Variants in ANKRD29 observed in about 807,000 individuals in gnomAD.
ANKRD29 encodes the protein ankyrin repeat domain-containing protein 29.
A neutral mutation model predicts 38.0 loss-of-function variants in ANKRD29; 32 were observed. The observed-to-expected ratio is 0.84, with a 90% confidence interval of 0.64 to 1.13. The LOEUF is 1.13. ANKRD29 is among the 50% of genes most tolerant of loss of function. The probability of loss-of-function intolerance (pLI) is 0.00; values close to 1 mark genes in which losing one functional copy is unlikely to be tolerated. For missense variants in ANKRD29, 357 were observed against 377.9 expected (o/e 0.94, Z 0.46); for synonymous variants, 135 against 152.4 (o/e 0.89, Z 0.84).
intron 9 of ANKRD29, among the ~76,000 whole-genome samples, chr18:23,608,567 T>A (rs1396469181): frequency 6.6e-6 from 1 of 152,232 alleles, no homozygotes; most frequent in East Asian, 1.9e-4. Context: ...GGTACTAATA[T>A]TTCCTCCCTG....
intron 9 of ANKRD29, among the ~76,000 whole-genome samples, chr18:23,604,885 G>C (rs548584432): frequency 2.2e-4 from 33 of 152,192 alleles, no homozygotes; most frequent in Middle Eastern, 3.4e-3. Context: ...AGTGCTGTAG[G>C]CATGTTTTCC....
chr18:23,653,081 C>T (rs2060230595), intron 1 of ANKRD29, among the ~76,000 whole-genome samples: 1 of 152,068 alleles, frequency 6.6e-6, no homozygotes, highest in Admixed American at 6.6e-5. Context: ...GTTTTGTCAC[C>T]CAGGAGCAAT....
intron 6 of ANKRD29, among the ~76,000 whole-genome samples, chr18:23,623,659 T>C (rs1163976661): frequency 6.6e-6 from 1 of 151,850 alleles, no homozygotes; most frequent in Non-Finnish European, 1.5e-5. Context: ...TTTTTTTTTT[T>C]TGAGACGGAG....
At chr18:23,649,983 C>T (rs1005029317) in intron 1 of ANKRD29, among the ~76,000 whole-genome samples, 3 of 152,224 alleles carry the variant, frequency 2.0e-5, no homozygotes, top group African/African-American at 7.2e-5. Flanking sequence ...CCGCCTTGGC[C>T]TCCCAAAGTG....
chr18:23,623,882 A>G (rs981758009), intron 6 of ANKRD29, among the ~76,000 whole-genome samples: 1 of 151,604 alleles, frequency 6.6e-6, no homozygotes, highest in Non-Finnish European at 1.5e-5. Context: ...TGATCTTGTA[A>G]TCTGCCCGCC....
chr18:23,638,475 A>G (rs979943277), intron 4 of ANKRD29, among the ~76,000 whole-genome samples: 3 of 152,174 alleles, frequency 2.0e-5, no homozygotes, highest in Non-Finnish European at 2.9e-5. Context: ...AATTCCTATC[A>G]TAGTATCAGA....
chr18:23,622,195 GA>G (rs2059805285), intron 6 of ANKRD29, among the ~76,000 whole-genome samples: 1 of 152,180 alleles, frequency 6.6e-6, no homozygotes, highest in South Asian at 2.1e-4. Context: ...TGAGAAAGGG[GA>G]AGGGTCGTTT....
At chr18:23,654,098 T>A (rs959391411) in intron 1 of ANKRD29, among the ~76,000 whole-genome samples, 2 of 151,672 alleles carry the variant, frequency 1.3e-5, no homozygotes, top group Admixed American at 1.3e-4. Flanking sequence ...AAACTCCATC[T>A]CTACTAAAAA....
intron 4 of ANKRD29, among the ~76,000 whole-genome samples, chr18:23,637,512 C>A (rs1219344711): frequency 6.6e-6 from 1 of 152,154 alleles, no homozygotes; most frequent in African/African-American, 2.4e-5. Context: ...ATCTGCCCGC[C>A]TCAGCCTCCC....
At chr18:23,610,686 A>G in intron 9 of ANKRD29, among the ~76,000 whole-genome samples, 1 of 152,074 alleles carries the variant, frequency 6.6e-6, no homozygotes, top group East Asian at 1.9e-4. Context: ...TAAAGGTTGT[A>G]GTTTAGTGCA....
chr18:23,637,595 G>A (rs1193384097), intron 4 of ANKRD29, among the ~76,000 whole-genome samples: 1 of 151,574 alleles, frequency 6.6e-6, no homozygotes, highest in African/African-American at 2.4e-5. Context: ...ATGAGGTCTC[G>A]CTTTGTTGCC....
chr18:23,602,139 C>G (rs1450120903), intron 9 of ANKRD29, among the ~76,000 whole-genome samples: 2 of 150,736 alleles, frequency 1.3e-5, no homozygotes, highest in Non-Finnish European at 3.0e-5. Flanking sequence ...TGGGTTCAAG[C>G]AATTCTCCTG....
At chr18:23,602,184 G>A (rs1380806363) in intron 9 of ANKRD29, among the ~76,000 whole-genome samples, 5 of 152,066 alleles carry the variant, frequency 3.3e-5, no homozygotes, top group Non-Finnish European at 5.9e-5. Context: ...CTACAGGCAT[G>A]TGCCACCATG....
In ANKRD29 at chr18:23,646,355, A is replaced by T. The variant is rs567294798; in HGVS notation, c.133-68T>A. The T allele has an allele frequency of 2.0e-4, 279 of 1,417,206 alleles. 6 individuals are homozygous for T. In the South Asian group the frequency reaches 3.2e-3, roughly 16 times the overall value. The allele number at this position is 1,417,206 out of a possible 1,614,324, so 87.8% of individuals were successfully genotyped here. A position where few individuals can be genotyped will look rare whatever the true frequency, so the allele number is the denominator to read the frequency against. On this transcript the variant is annotated intron_variant, in intron 2 of 9. Transcript: ENST00000592179. ...GTCAGAGAGAAGGGTCCTAGAGAAG[A>T]TGCTGCAGAGATGTCAGCTCCACTC...
At chr18:23,641,668 T>C (rs776840773) in intron 3 of ANKRD29, among the ~76,000 whole-genome samples, 9 of 152,188 alleles carry the variant, frequency 5.9e-5, no homozygotes, top group Non-Finnish European at 1.0e-4. Flanking sequence ...GGCAGACACG[T>C]TCCCACCCAT....
Position 23,600,984 on chromosome 18 carries a change from C to T in ANKRD29, c.*242G>A, listed in dbSNP as rs552493397. On this transcript the variant is annotated 3_prime_UTR_variant, in exon 10 of 10. Coordinates refer to ENST00000592179, the MANE Select transcript of ANKRD29 (RefSeq NM_173505.4). Reference sequence around the variant, plus strand: ...GTGGAATCTGTGAACATGCCAGGCCCCCCGGGAGATGAGTTACAGGACACC... The same window carrying T: ...GTGGAATCTGTGAACATGCCAGGCCTCCCGGGAGATGAGTTACAGGACACC... 1 of 364,214 alleles carries T rather than the reference C, an allele frequency of 2.7e-6. No homozygotes were observed. Among genetic ancestry groups the T allele is most frequent in the Non-Finnish European group, 5.0e-6 (1 of 200,326 alleles). The allele number at this position is 364,214 out of a possible 1,614,324, so 22.6% of individuals were successfully genotyped here. A position where few individuals can be genotyped will look rare whatever the true frequency, so the allele number is the denominator to read the frequency against.
At chr18:23,634,225 A>C (rs1318970700) in intron 4 of ANKRD29, 76 bp from the exon 5 acceptor site, 23 of 1,130,922 alleles carry the variant, frequency 2.0e-5, no homozygotes. Flanking sequence ...CCTCACATAC[A>C]TAGAATTTAG....
intron 6 of ANKRD29, among the ~76,000 whole-genome samples, chr18:23,623,778 G>C (rs928530137): frequency 2.6e-5 from 4 of 151,868 alleles, no homozygotes; most frequent in Admixed American, 1.3e-4. Flanking sequence ...GAGTAGCTGG[G>C]ACTACAGGTG....
chr18:23,617,392 T>C lies in ANKRD29; in HGVS notation c.723+340A>G, dbSNP rs566192321. On this transcript the variant is annotated intron_variant, in intron 8 of 9. Transcript: ENST00000592179. Reference sequence around the variant, plus strand: ...CAGAGTGGTTCTTTGCTTAAGAAAATGAAGAGAACAGACATAAGTGTCTGT... The same window carrying C: ...CAGAGTGGTTCTTTGCTTAAGAAAACGAAGAGAACAGACATAAGTGTCTGT... Among the ~76,000 whole-genome samples, 50 of 152,220 alleles carry C rather than the reference T, an allele frequency of 3.3e-4. 2 individuals carry two copies. The South Asian group carries it at 0.01, about 31-fold the overall frequency.
Sources: gnomAD v4.1 joint callset for allele counts (sites outside exome capture counted in the v4.1 genomes callset) on GRCh38, gnomAD v4.1.1 for gene constraint, MANE v1.5 for transcripts, NCBI Gene and HGNC (gene_info 2026-07-23, HGNC 2026-07-21) for gene names.